Variants in SPIDR observed in about 807,000 individuals in gnomAD.
The protein encoded by SPIDR is DNA repair-scaffolding protein.
SPIDR carries 93 observed loss-of-function variants against 104.6 expected under a neutral mutation model. The observed-to-expected ratio is 0.89, with a 90% CI of 0.75 to 1.06. The LOEUF is 1.06. Among genes scored for constraint, SPIDR ranks in the 50% least tolerant of loss-of-function variants. The probability of loss-of-function intolerance (pLI) is 0.00; values close to 1 mark genes in which losing one functional copy is unlikely to be tolerated. For missense variants in SPIDR, 1,154 were observed against 1,111.2 expected, an observed-to-expected ratio of 1.04 and a Z score of -0.55; for synonymous variants, 431 against 416.9, an observed-to-expected ratio of 1.03 and a Z score of -0.41.
rs1308738028 is a variant in SPIDR, at chr8:47,684,452, CTT to C, written c.1685+10513_1685+10514del. On this transcript the variant is annotated intron_variant, in intron 11 of 19. Coordinates refer to ENST00000297423, the MANE Select transcript of SPIDR (RefSeq NM_001080394.4). ...ATTCAGCACTGATTCACAGCTCTGG[CTT>C]TAGAATCCATATGTCTTGGTTAATA... Among the ~76,000 whole-genome samples the C allele has an allele frequency of 3.8e-3, 572 of 152,284 alleles. 9 individuals carry two copies. The highest frequency in any genetic ancestry group is 0.013 in the African/African-American group (541 of 41,558).
At chr8:47,710,869 T>C (rs1198302200) in intron 14 of SPIDR, among the ~76,000 whole-genome samples, 1 of 152,074 alleles carries the variant, frequency 6.6e-6, no homozygotes, top group African/African-American at 2.4e-5. Flanking sequence ...AACATTGACC[T>C]CTTGGGCCCA....
intron 5 of SPIDR, among the ~76,000 whole-genome samples, chr8:47,355,466 C>T (rs186645714): frequency 5.3e-5 from 8 of 152,120 alleles, no homozygotes; most frequent in South Asian, 2.1e-4. Flanking sequence ...ACAGTGAATG[C>T]GTAACAACCA....
chr8:47,567,644 A>C (rs2058035619), intron 8 of SPIDR, among the ~76,000 whole-genome samples: 1 of 152,160 alleles, frequency 6.6e-6, no homozygotes, highest in Non-Finnish European at 1.5e-5. Flanking sequence ...AAGTGAGGTT[A>C]GTATGGTAGG....
intron 10 of SPIDR, among the ~76,000 whole-genome samples, chr8:47,672,013 A>G (rs892359827): frequency 3.9e-5 from 6 of 152,100 alleles, no homozygotes; most frequent in African/African-American, 9.7e-5. Context: ...GCTGGAGTGC[A>G]GTGACATGAT....
chr8:47,553,712 G>C (rs926167784), intron 8 of SPIDR, among the ~76,000 whole-genome samples: 1 of 152,132 alleles, frequency 6.6e-6, no homozygotes, highest in Non-Finnish European at 1.5e-5. Flanking sequence ...GCTCGGAGAA[G>C]TTTGTTGTTA....
At chr8:47,701,389 G>A (rs896391899) in intron 12 of SPIDR, among the ~76,000 whole-genome samples, 1 of 152,156 alleles carries the variant, frequency 6.6e-6, no homozygotes, top group African/African-American at 2.4e-5. Context: ...CCAAGATCGT[G>A]CCATTGCACT....
intron 5 of SPIDR, among the ~76,000 whole-genome samples, chr8:47,372,515 A>T (rs1563771696): frequency 6.6e-6 from 1 of 152,140 alleles, no homozygotes; most frequent in East Asian, 1.9e-4. Context: ...AATCCCAGCT[A>T]CTTGGGAAGC....
intron 8 of SPIDR, among the ~76,000 whole-genome samples, chr8:47,476,783 A>G (rs1300663023): frequency 6.6e-6 from 1 of 152,266 alleles, no homozygotes; most frequent in Non-Finnish European, 1.5e-5. Context: ...TGTATGCAAG[A>G]GAAGCAGCAG....
intron 16 of SPIDR, among the ~76,000 whole-genome samples, chr8:47,720,029 C>T (rs1292374232): frequency 2.0e-5 from 3 of 152,244 alleles, no homozygotes; most frequent in African/African-American, 7.2e-5. Context: ...TCCCTCCCCA[C>T]TGACTACTGG....
At chr8:47,463,542 G>T (rs1258443908) in intron 8 of SPIDR, among the ~76,000 whole-genome samples, 2 of 151,524 alleles carry the variant, frequency 1.3e-5, no homozygotes, top group Non-Finnish European at 2.9e-5. Context: ...GCATTACCCT[G>T]TTAAAAAAAA....
chr8:47,565,095 A>C (rs945553705), intron 8 of SPIDR, among the ~76,000 whole-genome samples: 2 of 152,074 alleles, frequency 1.3e-5, no homozygotes, highest in African/African-American at 2.4e-5. Context: ...AAAAATACAA[A>C]ATTAGCTGGG....
At chr8:47,331,253 A>G (rs1458416802) in intron 5 of SPIDR, among the ~76,000 whole-genome samples, 9 of 152,154 alleles carry the variant, frequency 5.9e-5, no homozygotes, top group African/African-American at 1.9e-4. Flanking sequence ...AAGCAGTCAG[A>G]TGTCATTTAG....
intron 8 of SPIDR, chr8:47,510,917 G>C (rs997990212): frequency 1.8e-6 from 1 of 552,242 alleles, no homozygotes; most frequent in Admixed American, 3.2e-5. Context: ...AGCTGTGGAG[G>C]AGATGTCACA....
In SPIDR at chr8:47,727,196, C is replaced by G. The variant is rs2084383335; in HGVS notation, c.2342-4C>G. On this transcript the variant is annotated splice_region_variant and splice_polypyrimidine_tract_variant and intron_variant, in intron 16 of 19. Transcript: ENST00000297423. ...GAGGTGGGCTTTCCTTCTCTTGGGC[C>G]TAGGCACTGTGGTTGGCGTGGACGA... 1 of 1,613,910 alleles carries G rather than the reference C, an allele frequency of 6.2e-7. No homozygotes were observed. The highest frequency in any genetic ancestry group is 8.5e-7 in the Non-Finnish European group (1 of 1,179,976).
intron 10 of SPIDR, among the ~76,000 whole-genome samples, chr8:47,617,243 A>G (rs2064451835): frequency 6.6e-6 from 1 of 152,012 alleles, no homozygotes; most frequent in Admixed American, 6.6e-5. Flanking sequence ...CTATTTTTAA[A>G]CTCCCATTTT....
At chr8:47,397,224 G>C (rs963777757) in intron 6 of SPIDR, among the ~76,000 whole-genome samples, 1 of 152,132 alleles carries the variant, frequency 6.6e-6, no homozygotes, top group Non-Finnish European at 1.5e-5. Context: ...GAGGCCGGGC[G>C]CGGTGGCTCA....
intron 8 of SPIDR, among the ~76,000 whole-genome samples, chr8:47,537,930 A>G (rs1330351334): frequency 6.6e-6 from 1 of 152,188 alleles, no homozygotes; most frequent in Admixed American, 6.5e-5. Flanking sequence ...TAATCCCAAC[A>G]GTTTGGGAGG....
intron 8 of SPIDR, among the ~76,000 whole-genome samples, chr8:47,491,723 C>T (rs1278768040): frequency 2.6e-5 from 4 of 152,036 alleles, no homozygotes; most frequent in Non-Finnish European, 5.9e-5. Context: ...GTGGCGTACA[C>T]CTGTAGTCCC....
intron 8 of SPIDR, among the ~76,000 whole-genome samples, chr8:47,522,586 A>G (rs141973512): frequency 2.0e-5 from 3 of 152,274 alleles, no homozygotes; most frequent in African/African-American, 4.8e-5. Flanking sequence ...TCCTCCTGCC[A>G]AGGTTGGTTA....
Sources: allele counts gnomAD v4.1 joint callset (sites outside exome capture counted in the v4.1 genomes callset), GRCh38; gene constraint gnomAD v4.1.1; transcripts MANE v1.5; gene names NCBI Gene and HGNC (gene_info 2026-07-23, HGNC 2026-07-21).